TMEM117: variants seen among roughly 807,000 people sequenced by gnomAD.
TMEM117 encodes the protein transmembrane protein 117.
TMEM117 carries 27 observed loss-of-function variants against 52.4 expected under a neutral mutation model. The ratio of observed to expected loss-of-function variants is 0.51; its 90% confidence interval spans 0.38 to 0.71. The LOEUF (loss-of-function observed/expected upper bound fraction) is 0.71, where lower values mean the gene tolerates loss of function less well. Ranked by LOEUF, TMEM117 falls within the 30% of genes least tolerant of loss-of-function variation. The probability of loss-of-function intolerance (pLI) is 0.00; values close to 1 mark genes in which losing one functional copy is unlikely to be tolerated. For missense variants in TMEM117, 556 were observed against 630.5 expected, an observed-to-expected ratio of 0.88 and a Z score of 1.26; for synonymous variants, 215 against 206.3, an observed-to-expected ratio of 1.04 and a Z score of -0.36.
intron 5 of TMEM117, among the ~76,000 whole-genome samples, chr12:44,225,954 C>T (rs1949854841): frequency 6.6e-6 from 1 of 151,928 alleles, no homozygotes; most frequent in South Asian, 2.1e-4. Flanking sequence ...ATGTTACAAT[C>T]ACTGTTGTAT....
At chr12:43,886,703 G>A (rs7304367) in intron 2 of TMEM117, among the ~76,000 whole-genome samples, 175 of 152,214 alleles carry the variant, frequency 1.1e-3, no homozygotes, top group African/African-American at 3.6e-3. Flanking sequence ...TGTCAAGGGG[G>A]TTTATTGTAC....
At chr12:44,258,167 C>G (rs1324260949) in intron 5 of TMEM117, among the ~76,000 whole-genome samples, 3 of 152,088 alleles carry the variant, frequency 2.0e-5, no homozygotes, top group African/African-American at 7.2e-5. Flanking sequence ...CATTTATCAA[C>G]AAAATGCATT....
intron 3 of TMEM117, among the ~76,000 whole-genome samples, chr12:44,129,445 A>G (rs574029776): frequency 2.0e-5 from 3 of 152,044 alleles, no homozygotes; most frequent in African/African-American, 7.2e-5. Flanking sequence ...GCAGAGCTTT[A>G]CTAGAGTCAC....
At chr12:44,185,014 G>A (rs944380369) in intron 4 of TMEM117, among the ~76,000 whole-genome samples, 1 of 152,082 alleles carries the variant, frequency 6.6e-6, no homozygotes, top group Non-Finnish European at 1.5e-5. Flanking sequence ...AAATAACCAT[G>A]TCACCTCTTT....
chr12:44,000,801 G>A (rs369380045), intron 3 of TMEM117, among the ~76,000 whole-genome samples: 28 of 152,320 alleles, frequency 1.8e-4, no homozygotes, highest in South Asian at 1.0e-3. Flanking sequence ...TGGGGACAGC[G>A]TGCAAGGTGG....
chr12:44,380,165 G>A (rs1025929615), intron 7 of TMEM117, among the ~76,000 whole-genome samples: 7 of 152,150 alleles, frequency 4.6e-5, no homozygotes, highest in Non-Finnish European at 7.3e-5. Flanking sequence ...AAAATCAAAA[G>A]CCAAGGGGTA....
At chr12:43,876,704 G>A (rs1024247734) in intron 2 of TMEM117, among the ~76,000 whole-genome samples, 8 of 152,150 alleles carry the variant, frequency 5.3e-5, no homozygotes, top group African/African-American at 1.9e-4. Flanking sequence ...TTTTCATTAA[G>A]GTATTGCGTT....
chr12:44,019,870 C>T (rs1218664703), intron 3 of TMEM117, among the ~76,000 whole-genome samples: 2 of 152,136 alleles, frequency 1.3e-5, no homozygotes, highest in African/African-American at 4.8e-5. Flanking sequence ...TTTGATTTTT[C>T]CTCATTCCAC....
At chr12:44,314,709 G>T (rs748598157) in intron 6 of TMEM117, among the ~76,000 whole-genome samples, 1 of 151,910 alleles carries the variant, frequency 6.6e-6, no homozygotes, top group Non-Finnish European at 1.5e-5. Flanking sequence ...TGGGACTACA[G>T]GCTAGTTTTC....
At chr12:44,056,768 CTCTG>C (rs1411173581) in intron 3 of TMEM117, among the ~76,000 whole-genome samples, 9 of 152,316 alleles carry the variant, frequency 5.9e-5, no homozygotes, top group Admixed American at 4.6e-4. Flanking sequence ...CTCTCTGTCT[CTCTG>C]TCTTTCTCTG....
At chr12:43,949,293 C>G (rs1945183443) in intron 3 of TMEM117, among the ~76,000 whole-genome samples, 1 of 152,214 alleles carries the variant, frequency 6.6e-6, no homozygotes, top group Admixed American at 6.5e-5. Flanking sequence ...AGTGCCCCAT[C>G]TAACCTTTGA....
intron 6 of TMEM117, among the ~76,000 whole-genome samples, chr12:44,326,890 A>G (rs1951202827): frequency 6.6e-6 from 1 of 152,200 alleles, no homozygotes; most frequent in African/African-American, 2.4e-5. Context: ...GGCTACCTAT[A>G]TACTGAAGCC....
intron 6 of TMEM117, among the ~76,000 whole-genome samples, chr12:44,318,770 G>A (rs900719286): frequency 6.6e-5 from 10 of 152,130 alleles, no homozygotes; most frequent in African/African-American, 2.2e-4. Context: ...TAGGCATGGA[G>A]CAGAGAGGTC....
chr12:44,052,424 G>GGAGAAGTC (rs1043450716), intron 3 of TMEM117, among the ~76,000 whole-genome samples: 2 of 152,128 alleles, frequency 1.3e-5, no homozygotes, highest in African/African-American at 4.8e-5. Flanking sequence ...GTAAGGAACA[G>GGAGAAGTC]GAGAAGTCAT....
chr12:43,881,786 G>A (rs1419516436), intron 2 of TMEM117, among the ~76,000 whole-genome samples: 2 of 36,552 alleles, frequency 5.5e-5, no homozygotes. Flanking sequence ...TGAAACTCTT[G>A]TCTCAAAAAA....
chr12:44,315,738 G>A (rs74900819), intron 6 of TMEM117, among the ~76,000 whole-genome samples: 7,310 of 152,154 alleles, frequency 0.048, 364 homozygotes, highest in African/African-American at 0.12. Context: ...TGGGTGCTCC[G>A]ATGTTGGGTG....
At chr12:44,277,761 C>CTTTTTTT (rs35687259) in intron 5 of TMEM117, among the ~76,000 whole-genome samples, 3 of 95,516 alleles carry the variant, frequency 3.1e-5, no homozygotes, top group African/African-American at 8.9e-5. Context: ...AAACTCTGAG[C>CTTTTTTT]TTTTTTTTTT....
chr12:44,155,888 A>T (rs534817707), intron 4 of TMEM117, among the ~76,000 whole-genome samples: 34 of 152,186 alleles, frequency 2.2e-4, no homozygotes, highest in Admixed American at 1.8e-3. Context: ...CAAGAACAGC[A>T]CAGCACAGGG....
chr12:44,116,801 G>T (rs1188751507), intron 3 of TMEM117, among the ~76,000 whole-genome samples: 1 of 152,066 alleles, frequency 6.6e-6, no homozygotes, highest in Non-Finnish European at 1.5e-5. Flanking sequence ...AATTCTATTG[G>T]TTCTCATCCC....
Sources: allele counts gnomAD v4.1 joint callset (sites outside exome capture counted in the v4.1 genomes callset), GRCh38; gene constraint gnomAD v4.1.1; transcripts MANE v1.5; gene names NCBI Gene and HGNC (gene_info 2026-07-23, HGNC 2026-07-21).